Variants in TAF3 observed in about 807,000 individuals in gnomAD.
TAF3 encodes the protein TATA-box binding protein associated factor 3, also known as transcription initiation factor TFIID subunit 3.
TAF3 carries 7 observed loss-of-function variants against 80.6 expected under a neutral mutation model. The ratio of observed to expected loss-of-function variants is 0.09; its 90% CI spans 0.05 to 0.16. The LOEUF is 0.16. Ranked by LOEUF, TAF3 falls within the 10% of genes least tolerant of loss-of-function variation. TAF3 has a pLI of 1.00. For missense variants in TAF3, 921 were observed against 1,140.2 expected (o/e 0.81, Z 2.77); for synonymous variants, 444 against 446.1 (o/e 1.00, Z 0.06).
At chr10:7,991,299 A>G (rs1831831378) in intron 4 of TAF3, among the ~76,000 whole-genome samples, 2 of 152,164 alleles carry the variant, frequency 1.3e-5, no homozygotes. Context: ...TTTTAAAATT[A>G]ATCTTCATAA....
At position 8,009,982 on chromosome 10, in the gene TAF3, G is replaced by T. The variant is rs1832038967; in HGVS notation, c.2568+652G>T. ...GCTGGAGTGCAGTGGTACGATCTCGGCTCACTGCAGCCCCTGCCTCCCAGG... is the reference window on the plus strand; with the variant it reads ...GCTGGAGTGCAGTGGTACGATCTCGTCTCACTGCAGCCCCTGCCTCCCAGG... On this transcript the variant is annotated intron_variant, in intron 5 of 6. Transcript: ENST00000344293. The surrounding 1 kb of genome is among the most constrained non-coding windows in gnomAD (Gnocchi z 4.1). Among the ~76,000 whole-genome samples the T allele has an allele frequency of 6.6e-6, 1 of 151,856 alleles. No individual in the cohort carries two copies. Among genetic ancestry groups the T allele is most frequent in the Non-Finnish European group, 1.5e-5 (1 of 67,960 alleles).
chr10:7,913,835 T>C (rs886639586), intron 2 of TAF3, among the ~76,000 whole-genome samples: 2 of 152,234 alleles, frequency 1.3e-5, no homozygotes, highest in Non-Finnish European at 2.9e-5. Flanking sequence ...CAGTCAAGAC[T>C]TCAGATCTAG....
At chr10:8,008,851 T>G (rs1354230836) in intron 4 of TAF3, among the ~76,000 whole-genome samples, 2 of 152,158 alleles carry the variant, frequency 1.3e-5, no homozygotes, top group Non-Finnish European at 2.9e-5. Flanking sequence ...TGCTAGAAAT[T>G]TCTAACTGTC....
chr10:7,919,538 G>C (rs530462259), intron 2 of TAF3, among the ~76,000 whole-genome samples: 1 of 152,106 alleles, frequency 6.6e-6, no homozygotes, highest in Non-Finnish European at 1.5e-5. Flanking sequence ...CAGTGGGAAC[G>C]GGGTTATAGT....
rs553738098 is a variant in TAF3, at chr10:7,925,573, G to A, written c.410-38347G>A. Among the ~76,000 whole-genome samples the A allele has an allele frequency of 3.8e-3, 577 of 152,128 alleles. 1 individual carries two copies. The highest frequency in any genetic ancestry group is 0.013 in the African/African-American group (537 of 41,504). On this transcript the variant is annotated intron_variant, in intron 2 of 6. Coordinates refer to ENST00000344293, the MANE Select transcript of TAF3 (RefSeq NM_031923.4). ...AATCCCAGCACTTCGGGAGGCCAGG[G>A]CAGGTGGATCACTTGAGGTCAGGAG...
chr10:7,934,398 A>G (rs975968494), intron 2 of TAF3, among the ~76,000 whole-genome samples: 2 of 152,174 alleles, frequency 1.3e-5, no homozygotes, highest in African/African-American at 2.4e-5. Context: ...CCGTCCTTAT[A>G]TAAAAATCTT....
At chr10:7,899,938 T>G (rs1837542888) in intron 2 of TAF3, among the ~76,000 whole-genome samples, 2 of 152,238 alleles carry the variant, frequency 1.3e-5, no homozygotes. Flanking sequence ...TAAAGGCAAG[T>G]ATCTTTTGAA....
chr10:7,856,273 C>T (rs1454605248), intron 2 of TAF3, among the ~76,000 whole-genome samples: 1 of 151,804 alleles, frequency 6.6e-6, no homozygotes. Flanking sequence ...GTCAGGAGTT[C>T]GAGACCAGCC....
At chr10:8,003,952 A>T (rs183006079) in intron 4 of TAF3, among the ~76,000 whole-genome samples, 2,544 of 151,644 alleles carry the variant, frequency 0.017, 35 homozygotes, top group Non-Finnish European at 0.027. Context: ...TTATTTTCAT[A>T]AAAAAAAATG....
At chr10:7,968,535 A>G (rs4747649) in intron 3 of TAF3, among the ~76,000 whole-genome samples, 25,662 of 152,192 alleles carry the variant, frequency 0.17, 2,369 homozygotes, top group East Asian at 0.29. Flanking sequence ...TTTAGAAATA[A>G]TGATAAGAAC....
At chr10:7,822,056 G>T (rs1836695288) in intron 1 of TAF3, among the ~76,000 whole-genome samples, 1 of 152,096 alleles carries the variant, frequency 6.6e-6, no homozygotes, top group South Asian at 2.1e-4. Flanking sequence ...CTAGACAAAA[G>T]AATTAAAACA....
intron 3 of TAF3, among the ~76,000 whole-genome samples, chr10:7,972,213 T>A (rs1276359451): frequency 6.6e-6 from 1 of 152,222 alleles, no homozygotes; most frequent in African/African-American, 2.4e-5. Flanking sequence ...GAGAAATTAT[T>A]TTATGATTGT....
rs78606601 is a variant in TAF3, at chr10:8,015,009, T to G, written c.*258T>G. ...CTGGGGGCTGCCCCTCCTCCACTTCTCTAATACCAGTGACAAGTATTATTA... is the reference window on the plus strand; with the variant it reads ...CTGGGGGCTGCCCCTCCTCCACTTCGCTAATACCAGTGACAAGTATTATTA... On this transcript the variant is annotated 3_prime_UTR_variant, in exon 7 of 7. Coordinates refer to ENST00000344293, the MANE Select transcript of TAF3 (RefSeq NM_031923.4). 9,390 of 342,934 alleles carry G rather than the reference T, an allele frequency of 0.027. 182 individuals carry two copies. The highest frequency in any genetic ancestry group is 0.056 in the African/African-American group (2,713 of 48,240). 21.2% of individuals were successfully genotyped at this position (342,934 alleles called of 1,614,324 possible).
intron 4 of TAF3, among the ~76,000 whole-genome samples, chr10:7,996,625 T>C (rs1831889517): frequency 6.6e-6 from 1 of 152,074 alleles, no homozygotes; most frequent in African/African-American, 2.4e-5. Flanking sequence ...TCTTTTTTTT[T>C]TGTATTTGTT....
intron 2 of TAF3, among the ~76,000 whole-genome samples, chr10:7,937,005 T>A (rs895384509): frequency 3.3e-5 from 5 of 152,220 alleles, no homozygotes; most frequent in Non-Finnish European, 7.3e-5. Flanking sequence ...CTGTATCTTT[T>A]TATGGCTTTA....
At chr10:7,837,408 T>G (rs1030105388) in intron 2 of TAF3, among the ~76,000 whole-genome samples, 1 of 150,936 alleles carries the variant, frequency 6.6e-6, no homozygotes, top group African/African-American at 2.4e-5. Context: ...TTTGAGAGGT[T>G]GAGGCGGGCT....
intron 4 of TAF3, among the ~76,000 whole-genome samples, chr10:8,003,875 A>G (rs1267796759): frequency 6.6e-6 from 1 of 152,134 alleles, no homozygotes; most frequent in Non-Finnish European, 1.5e-5. Flanking sequence ...GCAAGACGCC[A>G]TTATCAAAGA....
At chr10:8,006,900 A>C (rs1444107995) in intron 4 of TAF3, among the ~76,000 whole-genome samples, 1 of 152,216 alleles carries the variant, frequency 6.6e-6, no homozygotes, top group Non-Finnish European at 1.5e-5. Flanking sequence ...TTCTCACTAC[A>C]ACCCTCTGAG....
intron 2 of TAF3, among the ~76,000 whole-genome samples, chr10:7,873,630 G>A (rs1351190330): frequency 1.6e-4 from 10 of 62,008 alleles, no homozygotes; most frequent in African/African-American, 5.5e-4. Flanking sequence ...CCCCCCCCCC[G>A]TCAAAAGGGG....
Sources: gnomAD v4.1 joint callset for allele counts (sites outside exome capture counted in the v4.1 genomes callset) on GRCh38, gnomAD v4.1.1 for gene constraint, Gnocchi (gnomAD v3.1) non-coding constraint, MANE v1.5 for transcripts, NCBI Gene and HGNC (gene_info 2026-07-23, HGNC 2026-07-21) for gene names.